Variants in INTS7 observed in about 807,000 individuals in gnomAD.
INTS7 encodes the protein integrator complex subunit 7.
INTS7 carries 46 observed loss-of-function variants against 109.2 expected under a neutral mutation model. The ratio of observed to expected loss-of-function variants is 0.42; its 90% CI spans 0.33 to 0.54. The LOEUF (loss-of-function observed/expected upper bound fraction) is 0.54. Ranked by LOEUF, INTS7 falls within the 20% of genes least tolerant of loss-of-function variation. The pLI is 0.07. For missense variants in INTS7, 929 were observed against 1,132.4 expected, an observed-to-expected ratio of 0.82 and a Z score of 2.58; for synonymous variants, 412 against 402.9, an observed-to-expected ratio of 1.02 and a Z score of -0.27.
At chr1:211,957,774 C>G (rs921146081) in intron 16 of INTS7, among the ~76,000 whole-genome samples, 4 of 151,946 alleles carry the variant, frequency 2.6e-5, no homozygotes, top group Non-Finnish European at 2.9e-5. Context: ...AAATCATGAC[C>G]AATTTCAAGG....
chr1:211,954,610 C>T (rs1384522775), intron 16 of INTS7, among the ~76,000 whole-genome samples: 3 of 152,230 alleles, frequency 2.0e-5, no homozygotes, highest in Non-Finnish European at 4.4e-5. Context: ...CAGCTTTCTA[C>T]ATATGGCTAA....
rs189906430 is a variant in INTS7, at chr1:212,023,729, A to G, written c.95-2517T>C. ...GTTGATAGTTTCTTTTGCTGTGCAG[A>G]TGCTCTTCTGCTTAATTAGGTCCCA... On this transcript the variant is annotated intron_variant, in intron 1 of 19. Transcript: ENST00000366994. Among the ~76,000 whole-genome samples the G allele has an allele frequency of 2.1e-3, 323 of 152,274 alleles. 1 individual carries two copies. Among genetic ancestry groups the G allele is most frequent in the South Asian group, 0.016 (79 of 4,826 alleles).
intron 13 of INTS7, among the ~76,000 whole-genome samples, chr1:211,972,268 TA>T (rs746861103): frequency 9.2e-5 from 14 of 151,614 alleles, no homozygotes; most frequent in Non-Finnish European, 1.6e-4. Context: ...ATTAAATGAT[TA>T]AAAAAAAACT....
Position 211,996,596 on chromosome 1 carries a change from A to C in INTS7, c.880-8593T>G, listed in dbSNP as rs138661381. On this transcript the variant is annotated intron_variant, in intron 7 of 19. Transcript: ENST00000366994. ...CTTCAAAAGCAGAAAACATTAAACTAATGCCATGGTCAAAGAAGAAATAAA... is the reference window on the plus strand; with the variant it reads ...CTTCAAAAGCAGAAAACATTAAACTCATGCCATGGTCAAAGAAGAAATAAA... 2.5e-3 allele frequency among the ~76,000 whole-genome samples: 379 copies of C among 152,334 alleles called. 4 individuals are homozygous for C. Among genetic ancestry groups the C allele is most frequent in the African/African-American group, 8.4e-3 (351 of 41,570 alleles).
intron 16 of INTS7, among the ~76,000 whole-genome samples, chr1:211,963,257 T>C (rs1663722949): frequency 6.6e-6 from 1 of 152,112 alleles, no homozygotes; most frequent in Non-Finnish European, 1.5e-5. Context: ...GATAAATTCC[T>C]GAACATACAC....
At chr1:212,029,777 G>A (rs777468382) in intron 1 of INTS7, among the ~76,000 whole-genome samples, 3 of 152,110 alleles carry the variant, frequency 2.0e-5, no homozygotes, top group Admixed American at 6.5e-5. Context: ...ACCATAACAC[G>A]AACATATCTT....
At chr1:211,992,793 C>T (rs1665202001) in intron 7 of INTS7, among the ~76,000 whole-genome samples, 1 of 152,210 alleles carries the variant, frequency 6.6e-6, no homozygotes, top group Non-Finnish European at 1.5e-5. Context: ...ACGTCAATCA[C>T]ATTTCCATAT....
chr1:211,964,237 T>C (rs1384628475), intron 16 of INTS7, among the ~76,000 whole-genome samples: 1 of 152,076 alleles, frequency 6.6e-6, no homozygotes, highest in Non-Finnish European at 1.5e-5. Context: ...TTCCCATTCA[T>C]GACTGTCACA....
chr1:212,002,402 C>T lies in INTS7; in HGVS notation c.879+4237G>A, dbSNP rs567110921. 4.6e-5 allele frequency among the ~76,000 whole-genome samples: 7 copies of T among 152,330 alleles called. No homozygotes were observed. In the East Asian group the frequency reaches 1.2e-3, roughly 25 times the overall value. ...CTTAAGTCAGATAATGTCCTCTGCT[C>T]AGAATCTTCCAGAGGCAATCTATCT... On this transcript the variant is annotated intron_variant, in intron 7 of 19. Transcript: ENST00000366994.
intron 1 of INTS7, among the ~76,000 whole-genome samples, chr1:212,023,177 A>C (rs991881668): frequency 6.6e-6 from 1 of 152,070 alleles, no homozygotes; most frequent in Non-Finnish European, 1.5e-5. Context: ...GGTTGATTCC[A>C]CATCTTTGCT....
At chr1:211,951,772 T>C (rs1385340452) in intron 17 of INTS7, among the ~76,000 whole-genome samples, 1 of 152,192 alleles carries the variant, frequency 6.6e-6, no homozygotes, top group Non-Finnish European at 1.5e-5. Flanking sequence ...CCTCCAAAAC[T>C]GTGAGAAATA....
intron 18 of INTS7, among the ~76,000 whole-genome samples, chr1:211,945,192 G>T (rs1046424492): frequency 1.3e-5 from 2 of 152,058 alleles, no homozygotes; most frequent in African/African-American, 4.8e-5. Context: ...TCTATTTGAG[G>T]ATAATAGAGA....
In INTS7 at chr1:211,975,182, C is replaced by T; in HGVS notation, c.1799G>A (p.Gly600Glu). Residue 600 changes from glycine to glutamate, a missense_variant, in exon 13 of 20, where the codon GGG becomes GAG. Gly to Glu is a moderately conservative substitution (Grantham distance 98). This residue lies in a region of INTS7 where 787 missense variants were observed against 901.1 expected (regional missense o/e 0.87). Transcript: ENST00000366994. Reference protein sequence around the residue: ...IAESLKFYHKGIASLTAASTP... With the variant: ...IAESLKFYHKEIASLTAASTP... ...AGGACTTACTGTTAAGGAAGCAATC[C>T]CTTTGTGATAGAATTTTAAAGATTC... 1 of 1,611,720 alleles carries T rather than the reference C, an allele frequency of 6.2e-7. No homozygotes were observed.
chr1:211,952,679 C>CG lies in INTS7; in HGVS notation c.2205_2206insC (p.Gly736ArgfsTer6). ...TATTCACTATCAGCATGGGCTGTTC[C>CG]AGTAGATCCATATTCCTGGAAACTG... is the stretch of plus-strand genomic sequence containing the variant. On this transcript the variant is annotated frameshift_variant, in exon 17 of 20. Coordinates refer to ENST00000366994, the MANE Select transcript of INTS7 (RefSeq NM_015434.4). LOFTEE classifies it high-confidence loss of function. 1 of 1,612,582 alleles carries CG rather than the reference C, an allele frequency of 6.2e-7. No individual in the cohort carries two copies. The highest frequency in any genetic ancestry group is 8.5e-7 in the Non-Finnish European group (1 of 1,179,218).
chr1:211,975,829 TGAA>T (rs998705729), intron 12 of INTS7, among the ~76,000 whole-genome samples: 10 of 152,154 alleles, frequency 6.6e-5, no homozygotes, highest in African/African-American at 2.4e-4. Context: ...AACAGTATAA[TGAA>T]GAATTGTCCT....
At chr1:211,947,735 C>T (rs998141306) in intron 17 of INTS7, among the ~76,000 whole-genome samples, 10 of 152,122 alleles carry the variant, frequency 6.6e-5, no homozygotes, top group African/African-American at 1.4e-4. Flanking sequence ...TAGTCAGACT[C>T]GCATTTATTC....
intron 8 of INTS7, among the ~76,000 whole-genome samples, chr1:211,983,278 A>G (rs1355330163): frequency 6.6e-6 from 1 of 152,152 alleles, no homozygotes; most frequent in African/African-American, 2.4e-5. Context: ...GTAGAGCTGG[A>G]AAGAATTTTG....
intron 7 of INTS7, among the ~76,000 whole-genome samples, chr1:211,997,708 A>G (rs141705507): frequency 0.026 from 3,961 of 151,650 alleles, 58 homozygotes; most frequent in African/African-American, 0.046. Context: ...GTGAAACCCC[A>G]TCTCTACTAA....
intron 16 of INTS7, among the ~76,000 whole-genome samples, chr1:211,965,419 C>T (rs1407012212): frequency 6.6e-6 from 1 of 152,140 alleles, no homozygotes; most frequent in African/African-American, 2.4e-5. Flanking sequence ...AACAGAATTA[C>T]CATTCGGCCA....
Sources: gnomAD v4.1 joint callset for allele counts (sites outside exome capture counted in the v4.1 genomes callset) on GRCh38, gnomAD v4.1.1 for gene constraint, gnomAD v4.1.1 regional missense constraint, MANE v1.5 for transcripts, NCBI Gene and HGNC (gene_info 2026-07-23, HGNC 2026-07-21) for gene names.